RNF167: variants seen among roughly 807,000 people sequenced by gnomAD.
The protein encoded by RNF167 is E3 ubiquitin-protein ligase RNF167.
A neutral mutation model predicts 34.8 loss-of-function variants in RNF167; 19 were observed. That is an observed-to-expected ratio of 0.55 (90% CI 0.38 to 0.80). RNF167 has a LOEUF of 0.80. Ranked by LOEUF, RNF167 falls within the 30% of genes least tolerant of loss-of-function variation. The pLI, the probability that RNF167 is intolerant of heterozygous loss-of-function variation, is 0.00. For synonymous variants in RNF167, 200 were observed against 170.4 expected (o/e 1.17, Z -1.35); for missense variants, 464 against 447.0 (o/e 1.04, Z -0.34).
chr17:4,940,187 C>G (rs144016137), upstream of RNF167: 904 of 354,844 alleles, frequency 2.5e-3, 2 homozygotes, highest in Non-Finnish European at 3.9e-3. Context: ...ATTAGAATCG[C>G]GGGAAAATAG....
At chr17:4,944,488 G>C in intron 8 of RNF167, 70 bp from the exon 9 acceptor site, 1 of 1,509,822 alleles carries the variant, frequency 6.6e-7, no homozygotes, top group East Asian at 2.3e-5. Flanking sequence ...ATTTTTGCAA[G>C]GCTTTAAAAG....
chr17:4,940,773 C>T lies in RNF167; in HGVS notation c.-137C>T. The T allele has an allele frequency of 1.4e-6, 1 of 694,510 alleles. No individual in the cohort carries two copies. Among genetic ancestry groups the T allele is most frequent in the Non-Finnish European group, 2.3e-6 (1 of 435,084 alleles). 43.0% of individuals were successfully genotyped at this position (694,510 alleles called of 1,614,324 possible). A position where few individuals can be genotyped will look rare whatever the true frequency, so the allele number is the denominator to read the frequency against. On this transcript the variant is annotated 5_prime_UTR_variant, in exon 2 of 10. Transcript: ENST00000262482. ...GTTGGTGTTCCTTCCCCGGCGCCCCCATGTAGCTGGGAAGTGGGACCTGGG... is the reference window on the plus strand; with the variant it reads ...GTTGGTGTTCCTTCCCCGGCGCCCCTATGTAGCTGGGAAGTGGGACCTGGG...
In RNF167 at chr17:4,943,297, G is replaced by C; in HGVS notation, c.576+13G>C. 1.2e-6 allele frequency: 2 copies of C among 1,611,640 alleles called. No homozygotes were observed. The highest frequency in any genetic ancestry group is 1.7e-6 in the Non-Finnish European group (2 of 1,177,872). On this transcript the variant is annotated intron_variant, in intron 7 of 9. Transcript: ENST00000262482. ...GGGAGCAGTAATGGTGAGTAGCTGAGGGAACATGATGGGAAGCACTGAGGC... is the reference window on the plus strand; with the variant it reads ...GGGAGCAGTAATGGTGAGTAGCTGACGGAACATGATGGGAAGCACTGAGGC...
chr17:4,944,601 G>C lies in RNF167; in HGVS notation c.714G>C (p.Glu238Asp). Residue 238 changes from glutamate (E) to aspartate (D), a missense_variant, in exon 9 of 10, where the codon GAG becomes GAC. Transcript: ENST00000262482. ...GTGCCATTTGCCTGGATGAATATGA[G>C]GATGGGGACAAGCTGCGGGTACTCC... Reference protein sequence around the residue: ...DVCAICLDEYEDGDKLRVLPC... With the variant: ...DVCAICLDEYDDGDKLRVLPC... 6.2e-7 allele frequency: 1 copy of C among 1,611,196 alleles called. No individual in the cohort carries two copies. The highest frequency in any genetic ancestry group is 8.5e-7 in the Non-Finnish European group (1 of 1,178,660).
intron 3 of RNF167, among the ~76,000 whole-genome samples, chr17:4,941,478 G>C (rs1159693504): frequency 6.6e-6 from 1 of 152,100 alleles, no homozygotes; most frequent in Non-Finnish European, 1.5e-5. Context: ...TATGACTTTG[G>C]GCAAGTTAAT....
chr17:4,942,939 G>C lies in RNF167; in HGVS notation c.468G>C (p.Lys156Asn), dbSNP rs1390151385. The C allele has an allele frequency of 1.2e-6, 2 of 1,613,652 alleles. No homozygotes were observed. The highest frequency in any genetic ancestry group is 2.2e-5 in the East Asian group (1 of 44,884). ...EYLRALFVYEKGARVLLVPDN... is the reference protein window; with the variant it reads ...EYLRALFVYENGARVLLVPDN... ...TGCGTGCCCTCTTTGTCTACGAGAA[G>C]GGGTAGGACATGTGCCTCCTTCCCA... The change falls in exon 6 of 10, where the codon AAG (lysine) becomes AAC (asparagine). Residue 156 changes from lysine (K) to asparagine (N), a missense_variant and splice_region_variant. Lys to Asn is a moderately conservative substitution (Grantham distance 94). Transcript: ENST00000262482.
chr17:4,944,971 A>G lies in RNF167; in HGVS notation c.1008A>G (p.Thr336=). The part of the protein sequence containing the change: ...PAPLVFPGPS[T]DPPLSPPSSP... ...CCCTTGTTTTTCCTGGGCCTTCAAC[A>G]GATCCCCCACTGTCCCCTCCCTCTT... Residue 336 remains threonine, a synonymous_variant, in exon 10 of 10, where the codon ACA becomes ACG. Transcript: ENST00000262482. 1 of 1,594,078 alleles carries G rather than the reference A, an allele frequency of 6.3e-7. No homozygotes were observed. The highest frequency in any genetic ancestry group is 8.5e-7 in the Non-Finnish European group (1 of 1,169,816).
intron 1 of RNF167, 21 bp from the exon 2 acceptor site, chr17:4,940,465 CT>C (rs1193457035): frequency 1.2e-5 from 2 of 162,492 alleles, no homozygotes; most frequent in Non-Finnish European, 2.7e-5. Context: ...CATCGCTAAC[CT>C]TTTTTTAACC....
At position 4,944,999 on chromosome 17, in the gene RNF167, CCT is replaced by C. The variant is rs762920349; in HGVS notation, c.1037_1038del (p.Pro346ArgfsTer28). On this transcript the variant is annotated frameshift_variant, in exon 10 of 10. Transcript: ENST00000262482. LOFTEE classifies it high-confidence loss of function. ...TDPPLSPPSS[P>X]VILV ...TCCCCCACTGTCCCCTCCCTCTTCC[CCT>C]GTTATCCTGGTCTAATAACCCCCCA... is the stretch of plus-strand genomic sequence containing the variant. The C allele has an allele frequency of 3.6e-4, 565 of 1,550,894 alleles. 1 individual carries two copies. The highest frequency in any genetic ancestry group is 1.5e-3 in the Admixed American group (73 of 50,082).
intron 8 of RNF167, chr17:4,944,329 A>G: frequency 9.6e-7 from 1 of 1,040,734 alleles, no homozygotes; most frequent in Non-Finnish European, 1.2e-6. Flanking sequence ...CCCTATCTCC[A>G]CCCTCACACC....
In RNF167 at chr17:4,945,073, C is replaced by T. The variant is rs1209922921; in HGVS notation, c.*57C>T. Reference sequence around the variant, plus strand: ...ATTTGCACAGACCGTCGTCTTCCCTCCAGTCTTCTGAGGGATAGGGGACAT... The same window carrying T: ...ATTTGCACAGACCGTCGTCTTCCCTTCAGTCTTCTGAGGGATAGGGGACAT... On this transcript the variant is annotated 3_prime_UTR_variant, in exon 10 of 10. Transcript: ENST00000262482. 1 of 1,420,006 alleles carries T rather than the reference C, an allele frequency of 7.0e-7. No homozygotes were observed. Among genetic ancestry groups the T allele is most frequent in the Non-Finnish European group, 9.5e-7 (1 of 1,053,390 alleles). The allele number at this position is 1,420,006 out of a possible 1,614,324, so 88.0% of individuals were successfully genotyped here.
intron 3 of RNF167, among the ~76,000 whole-genome samples, chr17:4,941,440 G>C (rs1970795225): frequency 6.6e-6 from 1 of 152,214 alleles, no homozygotes; most frequent in African/African-American, 2.4e-5. Context: ...TCCTTATCAG[G>C]AAGGTCTCAG....
In RNF167 at chr17:4,943,419, C is replaced by A. The variant is rs370301799; in HGVS notation, c.577-7C>A. 2 of 1,612,904 alleles carry A rather than the reference C, an allele frequency of 1.2e-6. No homozygotes were observed. The highest frequency in any genetic ancestry group is 1.7e-6 in the Non-Finnish European group (2 of 1,179,426). The stretch of plus-strand genomic sequence containing the variant: ...AAGCCTTGTCCATCCACCCCCGCTT[C>A]CCCCAGATAGCTCGTTGTATCCAGC... On this transcript the variant is annotated splice_polypyrimidine_tract_variant and splice_region_variant and intron_variant, in intron 7 of 9. Coordinates refer to ENST00000262482, the MANE Select transcript of RNF167 (RefSeq NM_015528.3).
upstream of RNF167, chr17:4,940,120 G>A (rs1375947916): frequency 2.3e-6 from 1 of 434,414 alleles, no homozygotes; most frequent in East Asian, 3.9e-5. Flanking sequence ...TGATGGAAGC[G>A]TGCGAGAAGG....
intron 3 of RNF167, among the ~76,000 whole-genome samples, chr17:4,942,071 T>C (rs561486233): frequency 5.3e-5 from 8 of 152,222 alleles, no homozygotes; most frequent in African/African-American, 1.7e-4. Flanking sequence ...CAAAAATAAT[T>C]GCATTAGCTT....
At position 4,942,882 on chromosome 17, in the gene RNF167, T is replaced by G. The variant is rs762640341; in HGVS notation, c.411T>G (p.Ser137=). ...EEIQQQIWIP[S]VFIGERSSEY... ...TCCAGCAGCAGATCTGGATCCCGTC[T>G]GTATTTATTGGGGAGAGAAGCTCCG... The change falls in exon 6 of 10, where the codon TCT becomes TCG. Residue 137 remains serine (S), a synonymous_variant. Coordinates refer to ENST00000262482, the MANE Select transcript of RNF167 (RefSeq NM_015528.3). 4 of 1,614,224 alleles carry G rather than the reference T, an allele frequency of 2.5e-6. No individual in the cohort carries two copies. Among genetic ancestry groups the G allele is most frequent in the Non-Finnish European group, 3.4e-6 (4 of 1,180,036 alleles).
chr17:4,944,627 C>G lies in RNF167; in HGVS notation c.740C>G (p.Pro247Arg), dbSNP rs1567662016. ...YEDGDKLRVL[P>R]CAHAYHSRCV... Reference sequence around the variant, plus strand: ...GATGGGGACAAGCTGCGGGTACTCCCCTGTGCTCATGGTGAGGCCCTCACT... The same window carrying G: ...GATGGGGACAAGCTGCGGGTACTCCGCTGTGCTCATGGTGAGGCCCTCACT... Residue 247 changes from proline (P) to arginine (R), a missense_variant, in exon 9 of 10, where the codon CCC (proline) becomes CGC (arginine). Physicochemically the swap from Pro to Arg is moderately radical, Grantham distance 103 (BLOSUM62 -2). Transcript: ENST00000262482. 2 of 1,613,974 alleles carry G rather than the reference C, an allele frequency of 1.2e-6. No individual in the cohort carries two copies. The highest frequency in any genetic ancestry group is 1.7e-6 in the Non-Finnish European group (2 of 1,179,930).
chr17:4,941,090 A>G lies in RNF167; in HGVS notation c.98A>G (p.Asn33Ser), dbSNP rs748111891. The stretch of plus-strand genomic sequence containing the variant: ...TTTTGTCCGCAGACCTCGGACCACA[A>G]TGCCAGCATGGACTTTGCAGACCTT... Reference protein sequence around the residue: ...RGLIRATSDHNASMDFADLPA... With the variant: ...RGLIRATSDHSASMDFADLPA... Residue 33 changes from asparagine (N) to serine (S), a missense_variant, in exon 3 of 10, where the codon AAT (asparagine) becomes AGT (serine). Transcript: ENST00000262482. 15 of 1,614,194 alleles carry G rather than the reference A, an allele frequency of 9.3e-6. No individual in the cohort carries two copies. In the Admixed American group the frequency reaches 1.3e-4, roughly 14 times the overall value.
chr17:4,944,756 C>G lies in RNF167; in HGVS notation c.793C>G (p.Arg265Gly), dbSNP rs143644786. 651 of 1,613,234 alleles carry G rather than the reference C, an allele frequency of 4.0e-4. 1 individual carries two copies. Among genetic ancestry groups the G allele is most frequent in the Non-Finnish European group, 5.0e-4 (588 of 1,179,626 alleles). ...CGTGGACCCCTGGCTCACTCAGACC[C>G]GGAAGACCTGCCCCATTTGCAAGCA... ...RCVDPWLTQT[R>G]KTCPICKQPV... Residue 265 changes from arginine to glycine, a missense_variant, in exon 10 of 10, where the codon CGG (arginine) becomes GGG (glycine). Arg to Gly is a moderately radical substitution (Grantham distance 125). Coordinates refer to ENST00000262482, the MANE Select transcript of RNF167 (RefSeq NM_015528.3).
Sources: gnomAD v4.1 joint callset for allele counts (sites outside exome capture counted in the v4.1 genomes callset) on GRCh38, gnomAD v4.1.1 for gene constraint, MANE v1.5 for transcripts, NCBI Gene and HGNC (gene_info 2026-07-23, HGNC 2026-07-21) for gene names.